The following CUX1 variants were observed in gnomAD, a reference collection of about 807,000 sequenced individuals.
CUX1 encodes the protein protein CASP.
CUX1 carries 31 observed loss-of-function variants against 158.8 expected under a neutral mutation model. That is an observed-to-expected ratio of 0.20 (90% CI 0.15 to 0.26). CUX1 has a LOEUF of 0.26. Among genes scored for constraint, CUX1 ranks in the 10% least tolerant of loss-of-function variants. The pLI is 1.00. For synonymous variants in CUX1, 879 were observed against 862.1 expected, an observed-to-expected ratio of 1.02 and a Z score of -0.34; for missense variants, 1,589 against 2,014.6, an observed-to-expected ratio of 0.79 and a Z score of 4.04.
At chr7:101,943,518 T>C (rs1807976263) in intron 2 of CUX1, among the ~76,000 whole-genome samples, 1 of 152,076 alleles carries the variant, frequency 6.6e-6, no homozygotes, top group Non-Finnish European at 1.5e-5. Context: ...ACTTTCAGCG[T>C]CTTTGGTGCA....
At chr7:102,184,318 C>T (rs1285328529) in intron 11 of CUX1, among the ~76,000 whole-genome samples, 8 of 152,330 alleles carry the variant, frequency 5.3e-5, no homozygotes, top group African/African-American at 1.7e-4. Context: ...ATAGACAATT[C>T]TTCTGGCATT....
rs1554542649 is a variant in CUX1 at position 102,257,904 on chromosome 7, T to G, written c.*8862T>G. On this transcript the variant is annotated 3_prime_UTR_variant, in exon 24 of 24. Transcript: ENST00000292535. ...AGGAAAAAAAAAAAGTCGTCTTTTT[T>G]TTTTTTTTTTGTACAAATCGCTTTG... 7.1e-6 allele frequency: 7 copies of G among 983,090 alleles called. No homozygotes were observed. Among genetic ancestry groups the G allele is most frequent in the Non-Finnish European group, 8.4e-6 (7 of 828,526 alleles). The allele number at this position is 983,090 out of a possible 1,614,324, so 60.9% of individuals were successfully genotyped here. A position where few individuals can be genotyped will look rare whatever the true frequency, so the allele number is the denominator to read the frequency against.
chr7:101,961,386 T>A (rs1456984277), intron 2 of CUX1: 1 of 152,186 alleles, frequency 6.6e-6, no homozygotes, highest in Non-Finnish European at 1.5e-5. Flanking sequence ...TTGGTTATTA[T>A]TGTTAGGATG....
intron 4 of CUX1, among the ~76,000 whole-genome samples, chr7:102,071,561 A>T (rs981324046): frequency 6.6e-6 from 1 of 151,898 alleles, no homozygotes; most frequent in African/African-American, 2.4e-5. Context: ...TCCCCTCCCC[A>T]CCCATTACAG....
chr7:102,161,075 G>A (rs424941), intron 9 of CUX1: 10,080 of 152,250 alleles, frequency 0.066, 387 homozygotes, highest in African/African-American at 0.083. Context: ...GTGGCCGGGC[G>A]CAGTGGCTCA....
At position 102,204,758 on chromosome 7, in the gene CUX1, T is replaced by C. The variant is rs75874000; in HGVS notation, c.3073+202T>C. 2.8e-3 allele frequency among the ~76,000 whole-genome samples: 431 copies of C among 152,296 alleles called. 3 individuals carry two copies. The highest frequency in any genetic ancestry group is 0.01 in the African/African-American group (420 of 41,560). ...CCTGTTGCCGTGGGACTGACTTCAGTGTTTAGGAGAGATCATGCCTGTCTA... is the reference window on the plus strand; with the variant it reads ...CCTGTTGCCGTGGGACTGACTTCAGCGTTTAGGAGAGATCATGCCTGTCTA... On this transcript the variant is annotated intron_variant, in intron 19 of 23. Coordinates refer to ENST00000292535, the MANE Select transcript of CUX1 (RefSeq NM_181552.4).
exon 21 of CUX1, chr7:102,281,893 A>G: frequency 1.2e-6 from 2 of 1,612,928 alleles, no homozygotes; most frequent in Non-Finnish European, 1.7e-6. Flanking sequence ...TCTTCTACAC[A>G]CTGTTCCTGC....
In CUX1 at chr7:101,832,048, C is replaced by T. The variant is rs74300417; in HGVS notation, c.30+14379C>T. On this transcript the variant is annotated intron_variant, in intron 1 of 23. Transcript: ENST00000292535. ...AGGCCTGAGCTGCCATGCCTAGCCC[C>T]GATTTTTAAACTGAAGAGGGATGGT... Among the ~76,000 whole-genome samples, 623 of 152,206 alleles carry T rather than the reference C, an allele frequency of 4.1e-3. 10 individuals carry two copies. The East Asian group carries it at 0.062, about 15-fold the overall frequency.
In CUX1 at chr7:101,908,107, A is replaced by C. The variant is rs547205768; in HGVS notation, c.31-8008A>C. Among the ~76,000 whole-genome samples, 7 of 152,314 alleles carry C rather than the reference A, an allele frequency of 4.6e-5. No homozygotes were observed. The East Asian group carries it at 1.4e-3, about 29-fold the overall frequency. ...AATTTCCCTCCCTGGTATGGATACTACCAGTATCTTATGTTTGTAGAACCT... is the reference window on the plus strand; with the variant it reads ...AATTTCCCTCCCTGGTATGGATACTCCCAGTATCTTATGTTTGTAGAACCT... On this transcript the variant is annotated intron_variant, in intron 1 of 23. Coordinates refer to ENST00000292535, the MANE Select transcript of CUX1 (RefSeq NM_181552.4).
intron 1 of CUX1, among the ~76,000 whole-genome samples, chr7:101,888,330 C>G (rs1800482778): frequency 6.6e-6 from 1 of 151,380 alleles, no homozygotes; most frequent in Non-Finnish European, 1.5e-5. Flanking sequence ...GGCTCCGTCT[C>G]CAAAAAAAAA....
intron 1 of CUX1, among the ~76,000 whole-genome samples, chr7:101,842,252 ATG>A (rs1046470343): frequency 2.0e-5 from 3 of 152,252 alleles, no homozygotes; most frequent in Non-Finnish European, 4.4e-5. Context: ...CTCAAAAAGA[ATG>A]TGTTTTTTGA....
chr7:102,156,806 C>T (rs946675847), intron 8 of CUX1, among the ~76,000 whole-genome samples: 1 of 152,204 alleles, frequency 6.6e-6, no homozygotes, highest in African/African-American at 2.4e-5. Context: ...TGGCATCCAA[C>T]GTGACGTGCA....
intron 3 of CUX1, among the ~76,000 whole-genome samples, chr7:102,050,137 A>T (rs1823305980): frequency 6.6e-6 from 1 of 152,166 alleles, no homozygotes; most frequent in Non-Finnish European, 1.5e-5. Flanking sequence ...AAACTGACAA[A>T]TCACTGATCT....
Position 102,063,059 on chromosome 7 carries a change from G to A in CUX1, c.190-7280G>A, listed in dbSNP as rs148340149. On this transcript the variant is annotated intron_variant, in intron 3 of 23. Transcript: ENST00000292535. ...GGGGAGGTTGCAGTGAGCCAAGATC[G>A]CACCATTGCACTCCAGCCTGGGTGA... Among the ~76,000 whole-genome samples, 72 of 151,958 alleles carry A rather than the reference G, an allele frequency of 4.7e-4. 1 individual carries two copies. The highest frequency in any genetic ancestry group is 1.4e-3 in the African/African-American group (60 of 41,468).
chr7:102,228,341 T>A (rs947866306), intron 21 of CUX1, among the ~76,000 whole-genome samples: 7 of 152,046 alleles, frequency 4.6e-5, no homozygotes, highest in South Asian at 2.1e-4. Context: ...CTGGGCCACA[T>A]AGCAAGACCC....
At chr7:102,001,378 C>T (rs763472412) in intron 2 of CUX1, among the ~76,000 whole-genome samples, 1 of 151,608 alleles carries the variant, frequency 6.6e-6, no homozygotes, top group African/African-American at 2.4e-5. Flanking sequence ...GAGTCTTGCT[C>T]TCTTGCCCAG....
chr7:102,078,233 A>G (rs1302379354), intron 4 of CUX1, among the ~76,000 whole-genome samples: 3 of 151,932 alleles, frequency 2.0e-5, no homozygotes, highest in Admixed American at 2.0e-4. Context: ...ACGCCACCAC[A>G]CCTGGCTAAT....
chr7:101,941,378 G>A (rs989571793), intron 2 of CUX1, among the ~76,000 whole-genome samples: 32 of 152,206 alleles, frequency 2.1e-4, no homozygotes, highest in African/African-American at 7.0e-4. Flanking sequence ...CCTCCTTTGC[G>A]GGTCTGCTTA....
chr7:102,112,577 GT>G (rs113087575), intron 7 of CUX1, among the ~76,000 whole-genome samples: 91,691 of 146,026 alleles, frequency 0.63, 29,899 homozygotes, highest in African/African-American at 0.79. Context: ...TTTTGTTTTT[GT>G]TTTTTTTTTG....
Sources: allele counts gnomAD v4.1 joint callset (sites outside exome capture counted in the v4.1 genomes callset), GRCh38; gene constraint gnomAD v4.1.1; transcripts MANE v1.5; gene names NCBI Gene and HGNC (gene_info 2026-07-23, HGNC 2026-07-21).